Variants in FHIT observed in about 807,000 individuals in gnomAD.
The protein encoded by FHIT is bis(5'-adenosyl)-triphosphatase.
In FHIT, 19 loss-of-function variants were observed where a neutral mutation model predicts 17.9. The observed-to-expected ratio is 1.06, with a 90% confidence interval of 0.74 to 1.56. The LOEUF is 1.56. Ranked by LOEUF, FHIT falls within the 40% of genes most tolerant of loss-of-function variation. The pLI, the probability that FHIT is intolerant of heterozygous loss-of-function variation, is 0.00. For missense variants in FHIT, 248 were observed against 189.2 expected (o/e 1.31, Z -1.82); for synonymous variants, 81 against 69.7 (o/e 1.16, Z -0.81).
chr3:60,020,575 A>C (rs1233716327), intron 5 of FHIT, among the ~76,000 whole-genome samples: 1 of 152,204 alleles, frequency 6.6e-6, no homozygotes, highest in Non-Finnish European at 1.5e-5. Context: ...CTAATAAAAA[A>C]GAGTCTGTAT....
chr3:60,152,098 C>T (rs997870468), intron 5 of FHIT, among the ~76,000 whole-genome samples: 6 of 152,120 alleles, frequency 3.9e-5, no homozygotes, highest in Non-Finnish European at 2.9e-5. Flanking sequence ...CACAGACCAA[C>T]GTTCAGATCC....
At chr3:60,614,627 T>G (rs2107738240) in intron 4 of FHIT, among the ~76,000 whole-genome samples, 1 of 148,938 alleles carries the variant, frequency 6.7e-6, no homozygotes, top group Middle Eastern at 3.4e-3. Flanking sequence ...AATAAATAAA[T>G]AACCTAAGTC....
At chr3:61,123,444 T>C (rs564463762) in intron 2 of FHIT, among the ~76,000 whole-genome samples, 1 of 152,012 alleles carries the variant, frequency 6.6e-6, no homozygotes, top group Non-Finnish European at 1.5e-5. Flanking sequence ...GGCACATGTA[T>C]ACCTATGTAA....
rs116267533 is a variant in FHIT at position 59,996,641 on chromosome 3, C to T, written c.279+14730G>A. On this transcript the variant is annotated intron_variant, in intron 7 of 9. Coordinates refer to ENST00000492590, the MANE Select transcript of FHIT (RefSeq NM_002012.4). The stretch of plus-strand genomic sequence containing the variant: ...CCCAAAGAGTCCAAAGGGCTCCAGA[C>T]ACCCTTTGTATGCCTACTGAAAGAA... 9.3e-3 allele frequency among the ~76,000 whole-genome samples: 1,422 copies of T among 152,220 alleles called. 23 individuals carry two copies. Among genetic ancestry groups the T allele is most frequent in the African/African-American group, 0.032 (1,333 of 41,548 alleles).
chr3:60,929,119 G>T (rs1220582895), intron 3 of FHIT, among the ~76,000 whole-genome samples: 2 of 152,116 alleles, frequency 1.3e-5, no homozygotes, highest in Non-Finnish European at 2.9e-5. Flanking sequence ...AAAACCACAT[G>T]ATTATCTCAA....
chr3:61,113,706 C>T (rs575818840), intron 2 of FHIT, among the ~76,000 whole-genome samples: 2 of 152,312 alleles, frequency 1.3e-5, no homozygotes, highest in African/African-American at 2.4e-5. Context: ...AGAGCCAGGA[C>T]CATGTCTATC....
intron 3 of FHIT, among the ~76,000 whole-genome samples, chr3:60,857,005 C>T (rs1703413953): frequency 1.3e-5 from 2 of 152,120 alleles, no homozygotes; most frequent in Non-Finnish European, 2.9e-5. Flanking sequence ...CACTCAGCTT[C>T]CTTTTTTATA....
intron 5 of FHIT, among the ~76,000 whole-genome samples, chr3:60,411,234 G>A (rs113990959): frequency 0.037 from 5,554 of 151,990 alleles, 139 homozygotes; most frequent in Non-Finnish European, 0.058. Flanking sequence ...TGATGACTTG[G>A]GTCTCCCCAG....
At chr3:60,341,149 T>C (rs1192241481) in intron 5 of FHIT, among the ~76,000 whole-genome samples, 3 of 152,214 alleles carry the variant, frequency 2.0e-5, no homozygotes, top group Admixed American at 2.0e-4. Flanking sequence ...GAGTATATCC[T>C]TGAGTACACA....
intron 5 of FHIT, among the ~76,000 whole-genome samples, chr3:60,163,083 T>C (rs1322505158): frequency 6.6e-6 from 1 of 152,126 alleles, no homozygotes; most frequent in Non-Finnish European, 1.5e-5. Context: ...ACTGAAGACA[T>C]GAGGGGAAGT....
At chr3:59,827,928 T>C (rs1283840319) in intron 8 of FHIT, among the ~76,000 whole-genome samples, 1 of 152,214 alleles carries the variant, frequency 6.6e-6, no homozygotes, top group Non-Finnish European at 1.5e-5. Flanking sequence ...AATTTGACAT[T>C]TGATCATAAA....
At chr3:60,002,652 C>T (rs1236621457) in intron 7 of FHIT, among the ~76,000 whole-genome samples, 1 of 152,174 alleles carries the variant, frequency 6.6e-6, no homozygotes, top group African/African-American at 2.4e-5. Flanking sequence ...TGTGGCTCTG[C>T]AGGTTGCCTT....
At chr3:61,057,324 C>T (rs1169455541) in intron 2 of FHIT, among the ~76,000 whole-genome samples, 1 of 152,124 alleles carries the variant, frequency 6.6e-6, no homozygotes, top group Non-Finnish European at 1.5e-5. Flanking sequence ...ATAACAAAAA[C>T]ATTAAGTTAA....
intron 5 of FHIT, among the ~76,000 whole-genome samples, chr3:60,380,641 C>T (rs1700760137): frequency 6.6e-6 from 1 of 152,132 alleles, no homozygotes; most frequent in Non-Finnish European, 1.5e-5. Flanking sequence ...CTACATGTCT[C>T]CGTACACGTC....
At chr3:59,800,486 C>T (rs1699949220) in intron 8 of FHIT, among the ~76,000 whole-genome samples, 1 of 152,216 alleles carries the variant, frequency 6.6e-6, no homozygotes, top group Non-Finnish European at 1.5e-5. Context: ...ACAGGTTTCT[C>T]ACCAAGTGGC....
At chr3:60,296,248 G>A (rs1298672543) in intron 5 of FHIT, among the ~76,000 whole-genome samples, 2 of 152,182 alleles carry the variant, frequency 1.3e-5, no homozygotes, top group East Asian at 1.9e-4. Context: ...AAGAAGAGGA[G>A]GAACAGGGAA....
chr3:60,514,302 T>G (rs950336770), intron 5 of FHIT, among the ~76,000 whole-genome samples: 1 of 152,232 alleles, frequency 6.6e-6, no homozygotes, highest in Admixed American at 6.5e-5. Flanking sequence ...CCATGGGGCA[T>G]GCACAGGGCC....
chr3:60,792,807 G>C (rs974722566), intron 4 of FHIT, among the ~76,000 whole-genome samples: 2 of 151,190 alleles, frequency 1.3e-5, no homozygotes, highest in Non-Finnish European at 2.9e-5. Flanking sequence ...ATTCCATCTT[G>C]AGACTGCCCT....
intron 8 of FHIT, among the ~76,000 whole-genome samples, chr3:59,842,537 G>C (rs1246808920): frequency 6.6e-6 from 1 of 152,092 alleles, no homozygotes; most frequent in Non-Finnish European, 1.5e-5. Context: ...CCCACCAACA[G>C]TGCACATGAG....
Sources: gnomAD v4.1 joint callset for allele counts (sites outside exome capture counted in the v4.1 genomes callset) on GRCh38, gnomAD v4.1.1 for gene constraint, MANE v1.5 for transcripts, NCBI Gene and HGNC (gene_info 2026-07-23, HGNC 2026-07-21) for gene names.